Variants in RNF111 observed in about 807,000 individuals in gnomAD.
RNF111 encodes the protein E3 ubiquitin-protein ligase Arkadia.
A neutral mutation model predicts 95.1 loss-of-function variants in RNF111; 17 were observed. The ratio of observed to expected loss-of-function variants is 0.18; its 90% CI spans 0.12 to 0.27. The LOEUF (loss-of-function observed/expected upper bound fraction) is 0.27. Ranked by LOEUF, RNF111 falls within the 10% of genes least tolerant of loss-of-function variation. The pLI is 1.00. For missense variants in RNF111, 1,189 were observed against 1,210.4 expected (o/e 0.98, Z 0.26); for synonymous variants, 440 against 414.8 (o/e 1.06, Z -0.74).
At chr15:59,058,606 G>C in intron 5 of RNF111, 56 bp downstream of exon 5, 1 of 1,473,506 alleles carries the variant, frequency 6.8e-7, no homozygotes, top group South Asian at 1.1e-5. Flanking sequence ...GTTAGGAAAA[G>C]TATTATTGTT....
In RNF111 at chr15:59,076,175, G is replaced by A. The variant is rs139823953; in HGVS notation, c.1908G>A (p.Gln636=). The part of the protein sequence containing the change: ...VAQPQPQPPP[Q]PSLSSCRHYM... Reference sequence around the variant, plus strand: ...AGCCCCAGCCCCAGCCCCCTCCACAGCCCTCTCTCTCATCATGTCGACATT... The same window carrying A: ...AGCCCCAGCCCCAGCCCCCTCCACAACCCTCTCTCTCATCATGTCGACATT... The change falls in exon 7 of 14, where the codon CAG becomes CAA. Residue 636 remains glutamine (Q), a synonymous_variant. Coordinates refer to ENST00000348370, the MANE Select transcript of RNF111 (RefSeq NM_017610.8). 15 of 1,613,460 alleles carry A rather than the reference G, an allele frequency of 9.3e-6. No homozygotes were observed. Among genetic ancestry groups the A allele is most frequent in the Middle Eastern group, 1.6e-4 (1 of 6,084 alleles).
chr15:59,007,657 A>G (rs1011528741), intron 1 of RNF111, among the ~76,000 whole-genome samples: 1 of 152,188 alleles, frequency 6.6e-6, no homozygotes, highest in Non-Finnish European at 1.5e-5. Context: ...GTTGTGGAAT[A>G]TCCTTGCCAG....
chr15:59,096,339 C>T lies in RNF111; in HGVS notation c.*1439C>T, dbSNP rs747075522. 1 of 341,984 alleles carries T rather than the reference C, an allele frequency of 2.9e-6. No individual in the cohort carries two copies. The highest frequency in any genetic ancestry group is 4.4e-5 in the East Asian group (1 of 22,942). 21.2% of individuals were successfully genotyped at this position (341,984 alleles called of 1,614,324 possible). On this transcript the variant is annotated 3_prime_UTR_variant, in exon 14 of 14. Coordinates refer to ENST00000348370, the MANE Select transcript of RNF111 (RefSeq NM_017610.8). Reference sequence around the variant, plus strand: ...CTGTCTGTATGTGGAGGACATGTTCCCATGGATCATATGTGAAGATGTCAA... The same window carrying T: ...CTGTCTGTATGTGGAGGACATGTTCTCATGGATCATATGTGAAGATGTCAA...
intron 10 of RNF111, among the ~76,000 whole-genome samples, chr15:59,086,891 C>A (rs1200055497): frequency 1.3e-5 from 2 of 152,300 alleles, no homozygotes; most frequent in East Asian, 1.9e-4. Context: ...AGTTAGATCA[C>A]CTCCTCAGTT....
chr15:59,073,583 T>A (rs34884391), intron 6 of RNF111, among the ~76,000 whole-genome samples: 1 of 151,992 alleles, frequency 6.6e-6, no homozygotes, highest in Admixed American at 6.5e-5. Context: ...CATCTTCAGG[T>A]TCCAACTTCT....
intron 7 of RNF111, 22 bp downstream of exon 7, chr15:59,076,237 A>G: frequency 6.2e-7 from 1 of 1,602,620 alleles, no homozygotes; most frequent in Non-Finnish European, 8.5e-7. Context: ...CTTAGTGGAC[A>G]CAAAATCTAG....
Position 59,037,421 on chromosome 15 carries a change from A to G in RNF111, c.880+5719A>G, listed in dbSNP as rs183905509. ...GAGAATAGGTGTTAATTTTAGTAAT[A>G]TATTTCTAGGATCTATTCAGAGAAC... On this transcript the variant is annotated intron_variant, in intron 2 of 13. Transcript: ENST00000348370. Among the ~76,000 whole-genome samples, 91 of 152,350 alleles carry G rather than the reference A, an allele frequency of 6.0e-4. 1 individual carries two copies. The East Asian group carries it at 0.017, about 29-fold the overall frequency.
At chr15:59,072,033 T>C (rs1400512110) in intron 6 of RNF111, among the ~76,000 whole-genome samples, 1 of 152,256 alleles carries the variant, frequency 6.6e-6, no homozygotes, top group Non-Finnish European at 1.5e-5. Flanking sequence ...TACCTTATTG[T>C]ACATGTTTCA....
At position 59,080,997 on chromosome 15, in the gene RNF111, C is replaced by G; in HGVS notation, c.2010C>G (p.Asn670Lys). The G allele has an allele frequency of 6.2e-7, 1 of 1,613,940 alleles. No individual in the cohort carries two copies. The highest frequency in any genetic ancestry group is 8.5e-7 in the Non-Finnish European group (1 of 1,179,934). ...QASACPHSHGNPPPQTQPPPQ... is the reference protein window; with the variant it reads ...QASACPHSHGKPPPQTQPPPQ... ...CTGCCTGCCCGCATTCTCATGGAAA[C>G]CCCCCTCCTCAGACTCAGCCTCCGC... Residue 670 changes from asparagine to lysine, a missense_variant, in exon 8 of 14, where the codon AAC (asparagine) becomes AAG (lysine). Around this residue, in one of 2 missense-constraint regions of RNF111, gnomAD observed 1,024 missense variants for 925.9 expected, o/e 1.11. Coordinates refer to ENST00000348370, the MANE Select transcript of RNF111 (RefSeq NM_017610.8).
At chr15:59,090,208 TTTTG>T (rs142811419) in intron 11 of RNF111, among the ~76,000 whole-genome samples, 46,503 of 151,312 alleles carry the variant, frequency 0.31, 7,364 homozygotes, top group East Asian at 0.45. Context: ...TGGTTTGTTT[TTTTG>T]TTTGTTTGTT....
intron 1 of RNF111, among the ~76,000 whole-genome samples, chr15:59,006,963 T>G (rs990245171): frequency 7.9e-5 from 12 of 152,124 alleles, no homozygotes; most frequent in African/African-American, 2.4e-4. Context: ...TTTTTTTGTA[T>G]TTTTAGTAGA....
intron 1 of RNF111, among the ~76,000 whole-genome samples, chr15:59,000,975 A>T (rs1254412845): frequency 6.6e-6 from 1 of 152,296 alleles, no homozygotes; most frequent in East Asian, 1.9e-4. Context: ...GAAAAGGAAG[A>T]TAGAGGGTGG....
intron 5 of RNF111, among the ~76,000 whole-genome samples, chr15:59,065,046 G>A (rs1265692028): frequency 6.6e-6 from 1 of 151,934 alleles, no homozygotes; most frequent in African/African-American, 2.4e-5. Context: ...ACCCAGAAGA[G>A]ATTAGCTAGG....
chr15:59,038,337 A>C (rs1358526206), intron 2 of RNF111, among the ~76,000 whole-genome samples: 1 of 152,146 alleles, frequency 6.6e-6, no homozygotes, highest in East Asian at 1.9e-4. Context: ...TATATTTTCC[A>C]TGTGTAGTCC....
intron 2 of RNF111, among the ~76,000 whole-genome samples, chr15:59,037,921 C>G (rs1337419525): frequency 6.6e-6 from 1 of 152,126 alleles, no homozygotes; most frequent in Admixed American, 6.5e-5. Context: ...AATAAGAGAG[C>G]TTAAGTCAGT....
intron 1 of RNF111, among the ~76,000 whole-genome samples, chr15:59,024,029 T>C (rs2040477765): frequency 6.6e-6 from 1 of 152,222 alleles, no homozygotes; most frequent in South Asian, 2.1e-4. Flanking sequence ...GGCTCCCTGC[T>C]GTTCTTTTCT....
At chr15:59,011,095 T>C (rs1229536095) in intron 1 of RNF111, among the ~76,000 whole-genome samples, 7 of 152,190 alleles carry the variant, frequency 4.6e-5, no homozygotes, top group Non-Finnish European at 7.4e-5. Context: ...ACTTGTTTTA[T>C]ACATTTTTAG....
In RNF111 at chr15:59,081,050, C is replaced by G. The variant is rs2078726784; in HGVS notation, c.2063C>G (p.Pro688Arg). 2.5e-6 allele frequency: 4 copies of G among 1,614,126 alleles called. No individual in the cohort carries two copies. Among genetic ancestry groups the G allele is most frequent in the Non-Finnish European group, 3.4e-6 (4 of 1,180,014 alleles). ...PPQVDYVIPH[P>R]VHAFHSQISS... The stretch of plus-strand genomic sequence containing the variant: ...CAAGTGGATTATGTTATTCCTCATC[C>G]TGTACATGCTTTCCATTCTCAAATA... The change falls in exon 8 of 14, where the codon CCT (proline) becomes CGT (arginine). Residue 688 changes from proline (P) to arginine (R), a missense_variant. Transcript: ENST00000348370.
chr15:59,006,769 C>G (rs2039559042), intron 1 of RNF111, among the ~76,000 whole-genome samples: 1 of 152,100 alleles, frequency 6.6e-6, no homozygotes, highest in South Asian at 2.1e-4. Context: ...TAACTAGAGT[C>G]AAATATTTGT....
Sources: gnomAD v4.1 joint callset for allele counts (sites outside exome capture counted in the v4.1 genomes callset) on GRCh38, gnomAD v4.1.1 for gene constraint, gnomAD v4.1.1 regional missense constraint, MANE v1.5 for transcripts, NCBI Gene and HGNC (gene_info 2026-07-23, HGNC 2026-07-21) for gene names.